RANBP2: variants seen among roughly 807,000 people sequenced by gnomAD.
The protein encoded by RANBP2 is E3 SUMO-protein ligase RanBP2.
RANBP2 carries 57 observed loss-of-function variants against 303.6 expected under a neutral mutation model. The observed-to-expected ratio is 0.19, with a 90% confidence interval of 0.15 to 0.23. The LOEUF is 0.23. Ranked by LOEUF, RANBP2 falls within the 10% of genes least tolerant of loss-of-function variation. The probability of loss-of-function intolerance (pLI) is 1.00; values close to 1 mark genes in which losing one functional copy is unlikely to be tolerated. For synonymous variants in RANBP2, 1,167 were observed against 1,301.5 expected, an observed-to-expected ratio of 0.90 and a Z score of 2.23; for missense variants, 3,138 against 3,780.8, an observed-to-expected ratio of 0.83 and a Z score of 4.46.
At chr2:109,509,683 C>T in the RANBP2 span, among the ~76,000 whole-genome samples, 1 of 152,002 alleles carries the variant, frequency 6.6e-6, no homozygotes, top group Non-Finnish European at 1.5e-5. Context: ...AGCAATTTCT[C>T]ATCCTCCACC....
chr2:109,614,654 C>G, the RANBP2 span: 109 of 1,476,966 alleles, frequency 7.4e-5, no homozygotes, highest in Non-Finnish European at 9.6e-5. Context: ...CCCGCGCGCA[C>G]TTCAAGGAGC....
chr2:109,149,418 T>C, the RANBP2 span, among the ~76,000 whole-genome samples: 4 of 152,252 alleles, frequency 2.6e-5, no homozygotes, highest in Non-Finnish European at 4.4e-5. Flanking sequence ...ACATTGACAG[T>C]CATTTGCACT....
At position 108,765,303 on chromosome 2, in the gene RANBP2, T is replaced by G; in HGVS notation, c.4764T>G (p.Thr1588=). The G allele has an allele frequency of 6.2e-7, 1 of 1,614,090 alleles. No individual in the cohort carries two copies. The highest frequency in any genetic ancestry group is 8.5e-7 in the Non-Finnish European group (1 of 1,179,952). The change falls in exon 20 of 29, where the codon ACT becomes ACG. Residue 1588 remains threonine, a synonymous_variant. Coordinates refer to ENST00000283195, the MANE Select transcript of RANBP2 (RefSeq NM_006267.5). ...VPAPASFKFG[T]SETSKAPKSG... Reference sequence around the variant, plus strand: ...CTCCTGCCTCTTTTAAGTTTGGTACTTCAGAGACAAGCAAGGCTCCAAAGA... The same window carrying G: ...CTCCTGCCTCTTTTAAGTTTGGTACGTCAGAGACAAGCAAGGCTCCAAAGA...
the RANBP2 span, chr2:109,371,616 G>C: frequency 1.9e-6 from 3 of 1,613,926 alleles, no homozygotes; most frequent in Non-Finnish European, 2.5e-6. Context: ...CAGGAGAGTG[G>C]ATGAGAACTG....
At chr2:109,206,790 T>C in the RANBP2 span, among the ~76,000 whole-genome samples, 2 of 152,250 alleles carry the variant, frequency 1.3e-5, no homozygotes, top group Non-Finnish European at 2.9e-5. Context: ...CACTCCAGCC[T>C]GGGTGACAAG....
At chr2:109,613,482 G>C in the RANBP2 span, 1 of 247,960 alleles carries the variant, frequency 4.0e-6, no homozygotes, top group African/African-American at 2.2e-5. Context: ...CGTTATAGCC[G>C]TAAGAGACCC....
the RANBP2 span, among the ~76,000 whole-genome samples, chr2:109,151,269 T>C: frequency 6.6e-6 from 1 of 152,218 alleles, no homozygotes; most frequent in South Asian, 2.1e-4. Context: ...TGGGGCTCCA[T>C]GTTTGTGGCC....
chr2:108,995,125 C>T, the RANBP2 span, among the ~76,000 whole-genome samples: 164 of 152,152 alleles, frequency 1.1e-3, 1 homozygote, highest in African/African-American at 3.6e-3. Flanking sequence ...CCACCGTGCC[C>T]GGCCGCATTG....
the RANBP2 span, chr2:109,504,229 C>G: frequency 6.6e-6 from 1 of 152,238 alleles, no homozygotes; most frequent in Non-Finnish European, 1.5e-5. Context: ...CATCCTGGCC[C>G]CATGATGTAC....
rs142231499 is a variant in RANBP2 at position 108,775,900 on chromosome 2, A to C, written c.8461A>C (p.Thr2821Pro). 5.5e-4 allele frequency: 886 copies of C among 1,612,330 alleles called. No individual in the cohort carries two copies. The highest frequency in any genetic ancestry group is 1.0e-3 in the Admixed American group (61 of 60,014). Reference protein sequence around the residue: ...ETMDKPVDLSTRKEIDTDSTS... With the variant: ...ETMDKPVDLSPRKEIDTDSTS... The stretch of plus-strand genomic sequence containing the variant: ...TATGGACAAACCTGTAGATTTGTCA[A>C]CTAGAAAGGAAATTGATACAGATTC... The change falls in exon 24 of 29, where the codon ACT becomes CCT. Residue 2821 changes from threonine to proline, a missense_variant. Physicochemically the swap from Thr to Pro is conservative, Grantham distance 38. Around this residue, in one of 20 missense-constraint regions of RANBP2, gnomAD observed 497 missense variants for 465.8 expected, o/e 1.07. Transcript: ENST00000283195.
the RANBP2 span, among the ~76,000 whole-genome samples, chr2:109,716,209 AT>A: frequency 7.9e-5 from 12 of 151,858 alleles, no homozygotes; most frequent in African/African-American, 2.4e-4. Flanking sequence ...TTAGCACTTT[AT>A]TTTTTTTAAT....
chr2:109,533,805 G>C, the RANBP2 span, among the ~76,000 whole-genome samples: 316 of 152,274 alleles, frequency 2.1e-3, no homozygotes, highest in African/African-American at 6.7e-3. Flanking sequence ...GATTTCTCCA[G>C]CTCCTGATAT....
rs550737407 is a variant in RANBP2 at position 108,760,589 on chromosome 2, G to A, written c.2603-1512G>A. 6.6e-5 allele frequency among the ~76,000 whole-genome samples: 10 copies of A among 152,100 alleles called. No homozygotes were observed. In the South Asian group the frequency reaches 8.3e-4, roughly 13 times the overall value. On this transcript the variant is annotated intron_variant, in intron 18 of 28. Transcript: ENST00000283195. ...CGCACTTTGCTAATGCTGACTTACT[G>A]GTTTATAAAATCCTTTGCCAATTTG...
the RANBP2 span, among the ~76,000 whole-genome samples, chr2:109,667,609 A>T: frequency 6.6e-6 from 1 of 152,154 alleles, no homozygotes; most frequent in South Asian, 2.1e-4. Context: ...TCACACCTGT[A>T]TCTCCATGCC....
chr2:109,044,520 C>T, the RANBP2 span, among the ~76,000 whole-genome samples: 4 of 151,420 alleles, frequency 2.6e-5, no homozygotes, highest in East Asian at 3.9e-4. Context: ...GAGACTCTGT[C>T]GCAAAAAATA....
the RANBP2 span, among the ~76,000 whole-genome samples, chr2:109,519,410 A>T: frequency 3.9e-4 from 59 of 152,330 alleles, no homozygotes; most frequent in Non-Finnish European, 7.2e-4. Context: ...AACCAAATCA[A>T]GTTTAATGCA....
chr2:109,478,125 G>A, the RANBP2 span, among the ~76,000 whole-genome samples: 10 of 152,262 alleles, frequency 6.6e-5, no homozygotes, highest in Non-Finnish European at 1.2e-4. Flanking sequence ...TGCAGCCGGA[G>A]AGGAGCTGCC....
At chr2:108,914,615 ACCT>A in the RANBP2 span, among the ~76,000 whole-genome samples, 2 of 152,218 alleles carry the variant, frequency 1.3e-5, no homozygotes, top group African/African-American at 4.8e-5. Context: ...CCTGTTCCAG[ACCT>A]CCTAAAAGAA....
the RANBP2 span, among the ~76,000 whole-genome samples, chr2:109,566,833 G>GATT: frequency 2.0e-5 from 3 of 152,110 alleles, no homozygotes; most frequent in African/African-American, 7.2e-5. Flanking sequence ...TGAAGTTGAG[G>GATT]ATTAATACAG....
Sources: allele counts gnomAD v4.1 joint callset (sites outside exome capture counted in the v4.1 genomes callset), GRCh38; gene constraint gnomAD v4.1.1; regional missense constraint gnomAD v4.1.1; transcripts MANE v1.5; gene names NCBI Gene and HGNC (gene_info 2026-07-23, HGNC 2026-07-21).